ELMO1: variants seen among roughly 807,000 people sequenced by gnomAD.
ELMO1 encodes engulfment and cell motility 1.
In ELMO1, 26 loss-of-function variants were observed where a neutral mutation model predicts 98.9. That is an observed-to-expected ratio of 0.26 (90% CI 0.19 to 0.36). The LOEUF (loss-of-function observed/expected upper bound fraction) is 0.36. ELMO1 is among the 10% of genes least tolerant of loss of function. The probability of loss-of-function intolerance (pLI) is 1.00; values close to 1 mark genes in which losing one functional copy is unlikely to be tolerated. For synonymous variants in ELMO1, 346 were observed against 346.0 expected, an observed-to-expected ratio of 1.00 and a Z score of 0.00; for missense variants, 627 against 935.2, an observed-to-expected ratio of 0.67 and a Z score of 4.30.
chr7:37,345,862 G>A (rs1800980529), intron 1 of ELMO1, among the ~76,000 whole-genome samples: 1 of 150,238 alleles, frequency 6.7e-6, no homozygotes, highest in Non-Finnish European at 1.5e-5. Flanking sequence ...GGTGGTGGGT[G>A]CCTGTAGTCC....
chr7:37,291,935 T>TC (rs1358663139), intron 4 of ELMO1, among the ~76,000 whole-genome samples: 2,631 of 86,686 alleles, frequency 0.03, 172 homozygotes, highest in African/African-American at 0.12. Flanking sequence ...CCCCTCCCCC[T>TC]CCCTCTCCCT....
At chr7:37,167,725 C>G (rs1789821160) in intron 13 of ELMO1, among the ~76,000 whole-genome samples, 1 of 152,294 alleles carries the variant, frequency 6.6e-6, no homozygotes. Context: ...GTCTGATGGG[C>G]TTCCCTTTGT....
At chr7:37,161,619 C>T (rs1042217647) in intron 13 of ELMO1, among the ~76,000 whole-genome samples, 1 of 151,898 alleles carries the variant, frequency 6.6e-6, no homozygotes, top group Non-Finnish European at 1.5e-5. Flanking sequence ...CTCATTTATA[C>T]TTTCAGCAAC....
At chr7:37,428,027 T>TGGGG (rs200303217) in intron 1 of ELMO1, among the ~76,000 whole-genome samples, 1 of 56,340 alleles carries the variant, frequency 1.8e-5, no homozygotes, top group African/African-American at 6.0e-5. Context: ...GATGTATGCT[T>TGGGG]GGGGTGTGTG....
chr7:37,292,711 G>GC (rs1280732409), intron 4 of ELMO1, among the ~76,000 whole-genome samples: 425 of 24,644 alleles, frequency 0.017, 118 homozygotes, highest in Admixed American at 0.061. Context: ...TCTCCGCCCG[G>GC]CAGCCGCCCC....
chr7:37,285,077 T>C (rs1039727584), intron 4 of ELMO1, among the ~76,000 whole-genome samples: 2 of 152,216 alleles, frequency 1.3e-5, no homozygotes, highest in African/African-American at 4.8e-5. Flanking sequence ...ACGTCTATAG[T>C]GCTGCACAGC....
intron 13 of ELMO1, among the ~76,000 whole-genome samples, chr7:37,167,049 T>C (rs1268745719): frequency 6.6e-6 from 1 of 152,204 alleles, no homozygotes; most frequent in East Asian, 1.9e-4. Context: ...ATATTTAGGA[T>C]AGTTAGCTCT....
intron 17 of ELMO1, among the ~76,000 whole-genome samples, chr7:36,891,972 T>C (rs1420647131): frequency 1.3e-5 from 2 of 152,236 alleles, no homozygotes; most frequent in African/African-American, 2.4e-5. Context: ...TGGACTTATC[T>C]TCCTTGGTAA....
At chr7:36,940,402 A>G (rs566474498) in intron 16 of ELMO1, among the ~76,000 whole-genome samples, 1 of 152,312 alleles carries the variant, frequency 6.6e-6, no homozygotes, top group East Asian at 1.9e-4. Flanking sequence ...GGGAACTACC[A>G]AAGCTCCTCT....
intron 2 of ELMO1, among the ~76,000 whole-genome samples, chr7:37,317,280 TCTCTCCCA>T (rs1799234756): frequency 6.6e-6 from 1 of 152,164 alleles, no homozygotes; most frequent in Non-Finnish European, 1.5e-5. Context: ...TCCAGTGAAC[TCTCTCCCA>T]CTGGAGCTCA....
intron 16 of ELMO1, among the ~76,000 whole-genome samples, chr7:36,929,763 T>C (rs1785879872): frequency 6.6e-6 from 1 of 152,164 alleles, no homozygotes; most frequent in Admixed American, 6.5e-5. Flanking sequence ...TCTATGATGG[T>C]CAAATCTATT....
At chr7:37,319,504 T>C (rs532933374) in intron 2 of ELMO1, among the ~76,000 whole-genome samples, 2 of 152,290 alleles carry the variant, frequency 1.3e-5, no homozygotes, top group South Asian at 4.2e-4. Flanking sequence ...CTCATCACCC[T>C]TAATTCTGCT....
At chr7:37,241,770 C>T (rs1330569324) in intron 7 of ELMO1, among the ~76,000 whole-genome samples, 1 of 152,152 alleles carries the variant, frequency 6.6e-6, no homozygotes, top group East Asian at 1.9e-4. Context: ...AGTGTAGTTG[C>T]TCTTATACCT....
chr7:37,021,079 C>T (rs1307813239), intron 15 of ELMO1, among the ~76,000 whole-genome samples: 5 of 151,950 alleles, frequency 3.3e-5, no homozygotes, highest in Admixed American at 6.6e-5. Flanking sequence ...TATTTTTAAA[C>T]CTGGTATTCC....
intron 1 of ELMO1, among the ~76,000 whole-genome samples, chr7:37,422,668 A>T (rs1030024467): frequency 2.6e-5 from 4 of 152,246 alleles, no homozygotes; most frequent in African/African-American, 9.6e-5. Context: ...TATTTAGAAA[A>T]AAAAGCGTTT....
intron 1 of ELMO1, among the ~76,000 whole-genome samples, chr7:37,377,210 C>T (rs111693956): frequency 0.019 from 2,849 of 152,162 alleles, 102 homozygotes; most frequent in African/African-American, 0.065. Flanking sequence ...CAGTTTCTAC[C>T]GAATGCTTAT....
intron 14 of ELMO1, among the ~76,000 whole-genome samples, chr7:37,118,882 G>A (rs1339090992): frequency 6.6e-6 from 1 of 152,176 alleles, no homozygotes; most frequent in Admixed American, 6.5e-5. Flanking sequence ...AAACACATCT[G>A]TAGGACTCAT....
intron 16 of ELMO1, among the ~76,000 whole-genome samples, chr7:37,001,876 G>A (rs1296676811): frequency 2.0e-5 from 3 of 152,148 alleles, no homozygotes; most frequent in Non-Finnish European, 4.4e-5. Context: ...AATGAGTCAG[G>A]CAATGAACAG....
intron 1 of ELMO1, among the ~76,000 whole-genome samples, chr7:37,421,383 A>G (rs774648010): frequency 3.3e-5 from 5 of 152,240 alleles, no homozygotes; most frequent in Non-Finnish European, 5.9e-5. Flanking sequence ...TTTTGCAATG[A>G]TCAGCCAGAA....
Sources: gnomAD v4.1 joint callset for allele counts (sites outside exome capture counted in the v4.1 genomes callset) on GRCh38, gnomAD v4.1.1 for gene constraint, MANE v1.5 for transcripts, NCBI Gene and HGNC (gene_info 2026-07-23, HGNC 2026-07-21) for gene names.